Variants in MVB12B observed in about 807,000 individuals in gnomAD.
The protein encoded by MVB12B is ESCRT-I complex subunit MVB12B.
In MVB12B, 16 loss-of-function variants were observed where a neutral mutation model predicts 41.6. That is an observed-to-expected ratio of 0.38 (90% confidence interval 0.26 to 0.58). The LOEUF (loss-of-function observed/expected upper bound fraction) is 0.58, where lower values mean the gene tolerates loss of function less well. MVB12B is among the 20% of genes least tolerant of loss of function. The pLI, the probability that MVB12B is intolerant of heterozygous loss-of-function variation, is 0.62. For missense variants in MVB12B, 274 were observed against 380.2 expected (o/e 0.72, Z 2.32); for synonymous variants, 133 against 139.7 (o/e 0.95, Z 0.34).
At chr9:126,409,350 T>G (rs2119050730) in intron 6 of MVB12B, among the ~76,000 whole-genome samples, 1 of 150,288 alleles carries the variant, frequency 6.7e-6, no homozygotes, top group East Asian at 2.0e-4. Context: ...TGTGTGTCCC[T>G]TGGGCCTTCT....
Position 126,486,392 on chromosome 9 carries a change from CCACAGG to C in MVB12B, c.873+2361_873+2366del, listed in dbSNP as rs1274256638. On this transcript the variant is annotated intron_variant, in intron 9 of 9. Coordinates refer to ENST00000361171, the MANE Select transcript of MVB12B (RefSeq NM_033446.3). This position sits in a 1 kb window ranked among gnomAD's most constrained non-coding sequence, Gnocchi z 4.7. ...GAAGGCCTCAGAGGAGCTGCTGCTG[CCACAGG>C]TGGTCACCAGGGCAGAGGTTACACT... 6.6e-6 allele frequency among the ~76,000 whole-genome samples: 1 copy of C among 152,180 alleles called. No homozygotes were observed. Among genetic ancestry groups the C allele is most frequent in the Non-Finnish European group, 1.5e-5 (1 of 68,030 alleles).
chr9:126,447,001 A>G (rs556634094), intron 7 of MVB12B, among the ~76,000 whole-genome samples: 3 of 135,662 alleles, frequency 2.2e-5, no homozygotes, highest in South Asian at 4.5e-4. Flanking sequence ...CTGGAGTGCA[A>G]TGGTGCCATC....
chr9:126,422,082 C>T (rs1832038402), intron 7 of MVB12B, 134 bp downstream of exon 7: 5 of 662,194 alleles, frequency 7.6e-6, no homozygotes, highest in Non-Finnish European at 1.3e-5. Flanking sequence ...GACCTGTTCC[C>T]TGCAGGGACC....
At chr9:126,461,314 C>T (rs1188126942) in intron 7 of MVB12B, among the ~76,000 whole-genome samples, 1 of 152,148 alleles carries the variant, frequency 6.6e-6, no homozygotes, top group African/African-American at 2.4e-5. Context: ...TGGAGAGGAG[C>T]TTGCGTAGAT....
intron 7 of MVB12B, among the ~76,000 whole-genome samples, chr9:126,449,478 C>T (rs187355036): frequency 1.6e-3 from 246 of 152,336 alleles, no homozygotes; most frequent in Admixed American, 3.4e-3. Flanking sequence ...AGTGACCCCC[C>T]ACAGCACCTC....
At chr9:126,398,212 T>G (rs1367781495) in intron 6 of MVB12B, among the ~76,000 whole-genome samples, 1 of 151,646 alleles carries the variant, frequency 6.6e-6, no homozygotes, top group African/African-American at 2.4e-5. Flanking sequence ...TGTGAGCGCT[T>G]CCGGGGCATC....
intron 9 of MVB12B, among the ~76,000 whole-genome samples, chr9:126,496,405 C>T (rs1425194596): frequency 6.8e-6 from 1 of 147,544 alleles, no homozygotes; most frequent in African/African-American, 2.5e-5. Flanking sequence ...TACCCACCCA[C>T]TCACTCACCC....
At chr9:126,423,397 T>A (rs1289825413) in intron 7 of MVB12B, among the ~76,000 whole-genome samples, 1 of 152,240 alleles carries the variant, frequency 6.6e-6, no homozygotes, top group Non-Finnish European at 1.5e-5. Context: ...TCTGGACCGC[T>A]GCTTCCTCGC....
At position 126,376,700 on chromosome 9, in the gene MVB12B, G is replaced by T; in HGVS notation, c.205-4364G>T. The T allele has an allele frequency of 7.9e-7, 1 of 1,267,296 alleles. No homozygotes were observed. The highest frequency in any genetic ancestry group is 1.3e-5 in the South Asian group (1 of 78,242). 78.5% of individuals were successfully genotyped at this position (1,267,296 alleles called of 1,614,324 possible). On this transcript the variant is annotated intron_variant, in intron 2 of 9. Coordinates refer to ENST00000361171, the MANE Select transcript of MVB12B (RefSeq NM_033446.3). This position sits in a 1 kb window ranked among gnomAD's most constrained non-coding sequence, Gnocchi z 4.1. ...TACGCTTGGTTACTCAATTACCCTC[G>T]TTTCCACTCTGAAGTTGCACCTCCT...
At chr9:126,378,226 G>C (rs1830534696) in intron 2 of MVB12B, among the ~76,000 whole-genome samples, 1 of 152,268 alleles carries the variant, frequency 6.6e-6, no homozygotes, top group Non-Finnish European at 1.5e-5. Flanking sequence ...CTGTCAGGTA[G>C]ACCCTGCCTT....
At position 126,367,304 on chromosome 9, in the gene MVB12B, C is replaced by T. The variant is rs1008255540; in HGVS notation, c.205-13760C>T. Among the ~76,000 whole-genome samples the T allele has an allele frequency of 1.3e-5, 2 of 152,072 alleles. No individual in the cohort carries two copies. Among genetic ancestry groups the T allele is most frequent in the Non-Finnish European group, 2.9e-5 (2 of 68,006 alleles). On this transcript the variant is annotated intron_variant, in intron 2 of 9. Coordinates refer to ENST00000361171, the MANE Select transcript of MVB12B (RefSeq NM_033446.3). The surrounding 1 kb of genome is among the most constrained non-coding windows in gnomAD (Gnocchi z 4.3). ...AGGTCCTAAGACAGCACCTGCCCTGCAGCCTCCCAGGTTCCAGCTCCTCCC... is the reference window on the plus strand; with the variant it reads ...AGGTCCTAAGACAGCACCTGCCCTGTAGCCTCCCAGGTTCCAGCTCCTCCC...
chr9:126,385,543 G>A (rs959784654), intron 3 of MVB12B, among the ~76,000 whole-genome samples: 1 of 152,182 alleles, frequency 6.6e-6, no homozygotes, highest in African/African-American at 2.4e-5. Flanking sequence ...AGGGCAGAGT[G>A]ATGGCTGACC....
At chr9:126,381,864 C>T (rs748202711) in intron 3 of MVB12B, among the ~76,000 whole-genome samples, 6 of 151,908 alleles carry the variant, frequency 3.9e-5, no homozygotes, top group Non-Finnish European at 7.4e-5. Context: ...CAGGTAATCT[C>T]TACCAGTGGA....
intron 7 of MVB12B, among the ~76,000 whole-genome samples, chr9:126,439,266 C>T (rs1221251786): frequency 4.8e-5 from 7 of 146,530 alleles, no homozygotes; most frequent in Non-Finnish European, 9.0e-5. Flanking sequence ...TCACAGGGTC[C>T]GCTGGGGGTG....
chr9:126,356,415 T>G (rs1247859533), intron 2 of MVB12B, among the ~76,000 whole-genome samples: 1 of 152,146 alleles, frequency 6.6e-6, no homozygotes, highest in East Asian at 1.9e-4. Context: ...ACGTACGTGT[T>G]TGGTTTCTGT....
chr9:126,399,625 A>G (rs1442682512), intron 6 of MVB12B, among the ~76,000 whole-genome samples: 1 of 152,216 alleles, frequency 6.6e-6, no homozygotes, highest in Non-Finnish European at 1.5e-5. Context: ...CTGCTGGGAC[A>G]GAGGTTGGGA....
At chr9:126,438,609 T>G (rs1832553555) in intron 7 of MVB12B, among the ~76,000 whole-genome samples, 1 of 152,164 alleles carries the variant, frequency 6.6e-6, no homozygotes. Flanking sequence ...TATGAAGTAC[T>G]CAGCCGACTC....
intron 9 of MVB12B, among the ~76,000 whole-genome samples, chr9:126,490,526 T>G (rs1354756302): frequency 2.0e-5 from 3 of 152,158 alleles, no homozygotes; most frequent in Non-Finnish European, 4.4e-5. Context: ...CCCGTTCCCT[T>G]CCAGGAGTGC....
Position 126,503,455 on chromosome 9 carries a change from C to T in MVB12B, c.*192C>T. 1.7e-6 allele frequency: 1 copy of T among 599,874 alleles called. No homozygotes were observed. The highest frequency in any genetic ancestry group is 3.0e-5 in the Admixed American group (1 of 33,864). The allele number at this position is 599,874 out of a possible 1,614,324, so 37.2% of individuals were successfully genotyped here. On this transcript the variant is annotated 3_prime_UTR_variant, in exon 10 of 10. Coordinates refer to ENST00000361171, the MANE Select transcript of MVB12B (RefSeq NM_033446.3). ...TGGCCTCACTGACACCCCGGCCTCC[C>T]TGGGGACATTGTTCATAACCATGAC...
Sources: allele counts gnomAD v4.1 joint callset (sites outside exome capture counted in the v4.1 genomes callset), GRCh38; gene constraint gnomAD v4.1.1; non-coding constraint Gnocchi (gnomAD v3.1); transcripts MANE v1.5; gene names NCBI Gene and HGNC (gene_info 2026-07-23, HGNC 2026-07-21).